BNIP2: variants seen among roughly 807,000 people sequenced by gnomAD.
The protein encoded by BNIP2 is BCL2 interacting protein 2, also known as BCL2/adenovirus E1B 19 kDa protein-interacting protein 2.
In BNIP2, 36 loss-of-function variants were observed where a neutral mutation model predicts 43.4. The ratio of observed to expected loss-of-function variants is 0.83; its 90% CI spans 0.64 to 1.10. BNIP2 has a LOEUF of 1.10. Ranked by LOEUF, BNIP2 falls within the 50% of genes least tolerant of loss-of-function variation. The pLI is 0.00. For missense variants in BNIP2, 417 were observed against 374.1 expected, an observed-to-expected ratio of 1.11 and a Z score of -0.95; for synonymous variants, 146 against 121.0, an observed-to-expected ratio of 1.21 and a Z score of -1.35.
chr15:59,669,205 G>A (rs1892748443), intron 8 of BNIP2, 71 bp downstream of exon 8: 4 of 1,155,244 alleles, frequency 3.5e-6, no homozygotes, highest in Admixed American at 5.8e-5. Context: ...AGTATGTATA[G>A]TTATTATGTG....
intron 5 of BNIP2, 76 bp downstream of exon 5, chr15:59,677,834 TA>T (rs1436020125): frequency 1.1e-5 from 16 of 1,499,196 alleles, no homozygotes; most frequent in Non-Finnish European, 1.4e-5. Flanking sequence ...TTACTCTTAA[TA>T]AACAGATATC....
intron 7 of BNIP2, among the ~76,000 whole-genome samples, chr15:59,670,900 C>G (rs6151547): frequency 2.4e-4 from 37 of 151,820 alleles, no homozygotes; most frequent in African/African-American, 8.9e-4. Flanking sequence ...ATGGAGAAAC[C>G]CCGTCTCTAC....
At chr15:59,683,919 ATATT>A (rs1893856228) in intron 1 of BNIP2, among the ~76,000 whole-genome samples, 1 of 152,230 alleles carries the variant, frequency 6.6e-6, no homozygotes, top group African/African-American at 2.4e-5. Flanking sequence ...ACTTTAAAAG[ATATT>A]TATTAAATAA....
chr15:59,674,005 A>T (rs1396812050), intron 5 of BNIP2, among the ~76,000 whole-genome samples: 1 of 149,860 alleles, frequency 6.7e-6, no homozygotes, highest in African/African-American at 2.4e-5. Flanking sequence ...CAGGACAATC[A>T]TTCAAACCTG....
chr15:59,676,086 A>G (rs1248798043), intron 5 of BNIP2, among the ~76,000 whole-genome samples: 3 of 152,206 alleles, frequency 2.0e-5, no homozygotes, highest in African/African-American at 7.2e-5. Flanking sequence ...TGAACTGCAC[A>G]CTTAAGATCA....
chr15:59,685,979 C>T (rs1893989252), intron 1 of BNIP2, among the ~76,000 whole-genome samples: 1 of 152,096 alleles, frequency 6.6e-6, no homozygotes, highest in South Asian at 2.1e-4. Context: ...TGGGAAATAA[C>T]ACTTTAAGAT....
chr15:59,679,313 A>G, intron 4 of BNIP2: 1 of 275,834 alleles, frequency 3.6e-6, no homozygotes, highest in Non-Finnish European at 6.8e-6. Flanking sequence ...TCTCTTCAAA[A>G]GTTTCTTACT....
At chr15:59,679,836 A>T (rs1893545469) in intron 3 of BNIP2, 68 bp from the exon 4 acceptor site, 2 of 1,273,156 alleles carry the variant, frequency 1.6e-6, no homozygotes, top group South Asian at 3.8e-5. Flanking sequence ...TGAATAAGAA[A>T]AATTTTAACT....
chr15:59,689,153 C>T lies in BNIP2; in HGVS notation c.-76G>A. On this transcript the variant is annotated 5_prime_UTR_variant, in exon 1 of 10. Coordinates refer to ENST00000607373, the MANE Select transcript of BNIP2 (RefSeq NM_004330.4). ...CACTCACCCCGGAGGAAGCCTTGGC[C>T]CCCTCGTCCTCTTCGCCCCTCCAGG... is the stretch of plus-strand genomic sequence containing the variant. The T allele has an allele frequency of 6.5e-7, 1 of 1,537,614 alleles. No homozygotes were observed. Among genetic ancestry groups the T allele is most frequent in the Non-Finnish European group, 8.7e-7 (1 of 1,146,382 alleles).
In BNIP2 at chr15:59,683,318, T is replaced by C. The variant is rs539901870; in HGVS notation, c.-57-804A>G. ...AAGTTGAGGTAAGGTAAAGATCAAC[T>C]GGTTAACAATGCAACAAAACAGTGA... On this transcript the variant is annotated intron_variant, in intron 1 of 9. Transcript: ENST00000607373. Among the ~76,000 whole-genome samples, 64 of 152,364 alleles carry C rather than the reference T, an allele frequency of 4.2e-4. 2 individuals carry two copies. The Middle Eastern group carries it at 0.01, about 24-fold the overall frequency.
chr15:59,689,144 A>C lies in BNIP2; in HGVS notation c.-67T>G, dbSNP rs747883445. ...CCCAGGCCGCACTCACCCCGGAGGA[A>C]GCCTTGGCCCCCTCGTCCTCTTCGC... On this transcript the variant is annotated 5_prime_UTR_variant, in exon 1 of 10. Coordinates refer to ENST00000607373, the MANE Select transcript of BNIP2 (RefSeq NM_004330.4). The C allele has an allele frequency of 1.3e-6, 2 of 1,536,836 alleles. No homozygotes were observed. The highest frequency in any genetic ancestry group is 1.4e-5 in the African/African-American group (1 of 72,908).
At position 59,669,092 on chromosome 15, in the gene BNIP2, C is replaced by T. The variant is rs189676136; in HGVS notation, c.795-102G>A. The T allele has an allele frequency of 9.2e-6, 11 of 1,196,388 alleles. No individual in the cohort carries two copies. In the Admixed American group the frequency reaches 2.0e-4, roughly 22 times the overall value. The allele number at this position is 1,196,388 out of a possible 1,614,324, so 74.1% of individuals were successfully genotyped here. ...ATCATGTCATTTTGAATGTTCAAAA[C>T]ACAAAAAGATGATAAATGTCTGAGG... On this transcript the variant is annotated intron_variant, in intron 8 of 9. Coordinates refer to ENST00000607373, the MANE Select transcript of BNIP2 (RefSeq NM_004330.4).
At chr15:59,666,881 A>G (rs1318759071) in intron 9 of BNIP2, among the ~76,000 whole-genome samples, 2 of 152,298 alleles carry the variant, frequency 1.3e-5, no homozygotes, top group East Asian at 3.9e-4. Context: ...ATATTTAAAT[A>G]AAAAGTACAA....
At position 59,689,275 on chromosome 15, in the gene BNIP2, G is replaced by T; in HGVS notation, c.-198C>A. 1 of 1,545,776 alleles carries T rather than the reference G, an allele frequency of 6.5e-7. No individual in the cohort carries two copies. On this transcript the variant is annotated 5_prime_UTR_variant, in exon 1 of 10. Transcript: ENST00000607373. Reference sequence around the variant, plus strand: ...GTGGAGACCCCGGCCCAATCCCCCGGCCGCAGCGGTACGGCGTCGGCGGCA... The same window carrying T: ...GTGGAGACCCCGGCCCAATCCCCCGTCCGCAGCGGTACGGCGTCGGCGGCA...
chr15:59,666,633 C>G (rs1239651837), intron 9 of BNIP2, among the ~76,000 whole-genome samples: 1 of 152,160 alleles, frequency 6.6e-6, no homozygotes, highest in African/African-American at 2.4e-5. Context: ...GGCCATTGCA[C>G]TCCTGCCTGG....
chr15:59,668,044 G>A, intron 9 of BNIP2: 2 of 1,121,340 alleles, frequency 1.8e-6, no homozygotes, highest in Non-Finnish European at 2.4e-6. Context: ...ATAAGGAAGA[G>A]TTAGTCTGCA....
At position 59,666,616 on chromosome 15, in the gene BNIP2, G is replaced by A. The variant is rs1595687188; in HGVS notation, c.893+2276C>T. Reference sequence around the variant, plus strand: ...CGGGAGGCAGAGATTGCAGTTAGCTGAGACTGGGCCATTGCACTCCTGCCT... The same window carrying A: ...CGGGAGGCAGAGATTGCAGTTAGCTAAGACTGGGCCATTGCACTCCTGCCT... On this transcript the variant is annotated intron_variant, in intron 9 of 9. Transcript: ENST00000607373. Among the ~76,000 whole-genome samples the A allele has an allele frequency of 3.9e-5, 6 of 152,288 alleles. 1 individual carries two copies. Among genetic ancestry groups the A allele is most frequent in the African/African-American group, 1.4e-4 (6 of 41,552 alleles).
rs1892751946 is a variant in BNIP2 at position 59,669,243 on chromosome 15, AT to A, written c.794+32del. ...AACTAAAAATAAATAAATAAAAAAA[AT>A]AAAATTAAAGTCAATGGCTCTCAAA... On this transcript the variant is annotated intron_variant, in intron 8 of 9. Transcript: ENST00000607373. The A allele has an allele frequency of 4.2e-6, 6 of 1,424,308 alleles. No individual in the cohort carries two copies. The South Asian group carries it at 5.4e-5, about 13-fold the overall frequency. The allele number at this position is 1,424,308 out of a possible 1,614,324, so 88.2% of individuals were successfully genotyped here. A position where few individuals can be genotyped will look rare whatever the true frequency, so the allele number is the denominator to read the frequency against.
At chr15:59,673,267 C>T (rs368438601) in intron 5 of BNIP2, among the ~76,000 whole-genome samples, 19 of 152,016 alleles carry the variant, frequency 1.2e-4, no homozygotes, top group Admixed American at 4.6e-4. Flanking sequence ...CGCACACCAC[C>T]GTGCCCGGCT....
Sources: allele counts gnomAD v4.1 joint callset (sites outside exome capture counted in the v4.1 genomes callset), GRCh38; gene constraint gnomAD v4.1.1; transcripts MANE v1.5; gene names NCBI Gene and HGNC (gene_info 2026-07-23, HGNC 2026-07-21).